The following CAPN9 variants were observed in gnomAD, a reference collection of about 807,000 sequenced individuals.
CAPN9 encodes calpain-9.
A neutral mutation model predicts 92.8 loss-of-function variants in CAPN9; 81 were observed. The observed-to-expected ratio is 0.87, with a 90% CI of 0.73 to 1.05. The LOEUF is 1.05. Among genes scored for constraint, CAPN9 ranks in the 50% least tolerant of loss-of-function variants. The pLI is 0.00. For synonymous variants in CAPN9, 304 were observed against 328.0 expected, an observed-to-expected ratio of 0.93 and a Z score of 0.79; for missense variants, 848 against 866.2, an observed-to-expected ratio of 0.98 and a Z score of 0.26.
chr1:230,765,290 A>T (rs949778292), intron 4 of CAPN9, among the ~76,000 whole-genome samples: 1 of 151,644 alleles, frequency 6.6e-6, no homozygotes, highest in Admixed American at 6.6e-5. Context: ...GCACAAGAGC[A>T]TACTGAAGGA....
chr1:230,798,165 T>C lies in CAPN9; in HGVS notation c.1991T>C (p.Val664Ala), dbSNP rs746787858. 1 of 1,607,226 alleles carries C rather than the reference T, an allele frequency of 6.2e-7. No homozygotes were observed. Among genetic ancestry groups the C allele is most frequent in the South Asian group, 1.1e-5 (1 of 90,944 alleles). ...TTTCCCCCTTCTCTCCTATCAGGGG[T>C]GTTCCAGGCTCTCAGTACAAAGAAC... Reference protein sequence around the residue: ...CLVRLENASRVFQALSTKNKE... With the variant: ...CLVRLENASRAFQALSTKNKE... Residue 664 changes from valine to alanine, a missense_variant, in exon 19 of 20, where the codon GTG becomes GCG. Val to Ala is a moderately conservative substitution (Grantham distance 64). Coordinates refer to ENST00000271971, the MANE Select transcript of CAPN9 (RefSeq NM_006615.3).
intron 13 of CAPN9, among the ~76,000 whole-genome samples, chr1:230,789,883 C>A (rs999813119): frequency 1.3e-5 from 2 of 152,096 alleles, no homozygotes; most frequent in Admixed American, 6.6e-5. Flanking sequence ...GCTTTTCATG[C>A]GCTTTCCTGG....
rs763367771 is a variant in CAPN9 at position 230,780,594 on chromosome 1, C to T, written c.1367C>T (p.Ser456Phe). 6.2e-7 allele frequency: 1 copy of T among 1,614,190 alleles called. No homozygotes were observed. The highest frequency in any genetic ancestry group is 8.5e-7 in the Non-Finnish European group (1 of 1,180,020). Residue 456 changes from serine to phenylalanine, a missense_variant, in exon 11 of 20, where the codon TCC becomes TTC. Ser to Phe is a radical substitution (Grantham distance 155, BLOSUM62 -2). Transcript: ENST00000271971. ...SKTFINLREV[S>F]DRFKLPPGEY... The stretch of plus-strand genomic sequence containing the variant: ...ACGTTCATCAACCTGAGAGAAGTCT[C>T]CGACCGGTTCAAGCTGCCCCCTGGG...
At chr1:230,767,261 G>A (rs762254874) in intron 4 of CAPN9, among the ~76,000 whole-genome samples, 2 of 152,150 alleles carry the variant, frequency 1.3e-5, no homozygotes, top group African/African-American at 4.8e-5. Context: ...ATGGTAAGTC[G>A]TAGAACCAGG....
At chr1:230,762,834 T>C (rs765928589) in intron 4 of CAPN9, 48 bp downstream of exon 4, 3 of 1,586,152 alleles carry the variant, frequency 1.9e-6, no homozygotes, top group Non-Finnish European at 2.6e-6. Context: ...CAGGAGTCTC[T>C]ACACTAGTCT....
At chr1:230,781,295 GA>G (rs1667210337) in intron 11 of CAPN9, among the ~76,000 whole-genome samples, 1 of 152,158 alleles carries the variant, frequency 6.6e-6, no homozygotes, top group South Asian at 2.1e-4. Flanking sequence ...ATGCTCACAA[GA>G]CATTCTTGGG....
At position 230,791,883 on chromosome 1, in the gene CAPN9, G is replaced by T. The variant is rs764592952; in HGVS notation, c.1677G>T (p.Lys559Asn). Residue 559 changes from lysine (K) to asparagine (N), a missense_variant, in exon 15 of 20, where the codon AAG becomes AAT. By Grantham distance (94) the Lys-to-Asn change is moderately conservative. Transcript: ENST00000271971. The stretch of plus-strand genomic sequence containing the variant: ...TTTCAGAAAAGGACATCAAATTCAA[G>T]AAGCTAAGCCTGATCTCCTGTAAAA... ...VLQKKKDIKF[K>N]KLSLISCKNI... The T allele has an allele frequency of 3.1e-6, 5 of 1,613,518 alleles. No homozygotes were observed. In the South Asian group the frequency reaches 5.5e-5, roughly 18 times the overall value.
At chr1:230,779,668 T>C (rs1667072166) in intron 9 of CAPN9, among the ~76,000 whole-genome samples, 1 of 152,172 alleles carries the variant, frequency 6.6e-6, no homozygotes, top group Non-Finnish European at 1.5e-5. Context: ...GAACTAATAT[T>C]GTCCAGTGAA....
rs573553589 is a variant in CAPN9, at chr1:230,747,516, C to G, written c.20C>G (p.Ala7Gly). ...GCAGCCATGCCTTACCTCTACCGGG[C>G]CCCAGGGCCTCAGGCACACCCGGTT... is the stretch of plus-strand genomic sequence containing the variant. MPYLYR[A>G]PGPQAHPVPK... The change falls in exon 1 of 20, where the codon GCC becomes GGC. Residue 7 changes from alanine (A) to glycine (G), a missense_variant. Coordinates refer to ENST00000271971, the MANE Select transcript of CAPN9 (RefSeq NM_006615.3). 5 of 1,614,040 alleles carry G rather than the reference C, an allele frequency of 3.1e-6. No individual in the cohort carries two copies. Among genetic ancestry groups the G allele is most frequent in the Non-Finnish European group, 4.2e-6 (5 of 1,179,986 alleles).
In CAPN9 at chr1:230,766,374, T is replaced by C. The variant is rs986358181; in HGVS notation, c.537-1167T>C. ...TGATATTCTGATTACAAGCGCACAA[T>C]GTGCGATGATCAAATCAGGGTAATT... On this transcript the variant is annotated intron_variant, in intron 4 of 19. Transcript: ENST00000271971. Among the ~76,000 whole-genome samples the C allele has an allele frequency of 2.0e-5, 3 of 152,260 alleles. No homozygotes were observed. In the South Asian group the frequency reaches 6.2e-4, roughly 31 times the overall value.
intron 1 of CAPN9, 122 bp from the exon 2 acceptor site, chr1:230,755,215 G>C (rs1367193576): frequency 1.3e-6 from 1 of 755,262 alleles, no homozygotes; most frequent in African/African-American, 1.8e-5. Flanking sequence ...CCTCCTCAGG[G>C]AAAAGAATCA....
Position 230,779,099 on chromosome 1 carries a change from C to T in CAPN9, c.1080C>T (p.Arg360=), listed in dbSNP as rs140902814. The change falls in exon 9 of 20, where the codon CGC becomes CGT. Residue 360 remains arginine (R), a synonymous_variant. Transcript: ENST00000271971. ...EVTVHQGSWV[R]GSTAGGCRNF... ...CGGTCCATCAGGGAAGCTGGGTTCG[C>T]GGCTCCACGGCTGGGGGCTGCCGCA... The T allele has an allele frequency of 2.1e-4, 341 of 1,612,696 alleles. No individual in the cohort carries two copies. Among genetic ancestry groups the T allele is most frequent in the African/African-American group, 2.5e-4 (19 of 74,876 alleles).
At chr1:230,787,681 G>A in intron 13 of CAPN9, 79 bp downstream of exon 13, 2 of 1,265,258 alleles carry the variant, frequency 1.6e-6, no homozygotes, top group Non-Finnish European at 1.2e-6. Flanking sequence ...GCAGTCGTGG[G>A]GTTGGTCAGC....
intron 14 of CAPN9, 95 bp downstream of exon 14, chr1:230,790,284 C>A (rs558019862): frequency 1.3e-6 from 2 of 1,523,780 alleles, no homozygotes; most frequent in Non-Finnish European, 1.8e-6. Flanking sequence ...AGCCGCAGAT[C>A]TGCTTCCCAG....
At chr1:230,785,595 C>T (rs1667528258) in intron 11 of CAPN9, among the ~76,000 whole-genome samples, 1 of 152,174 alleles carries the variant, frequency 6.6e-6, no homozygotes, top group South Asian at 2.1e-4. Context: ...TCCCCCTTCA[C>T]CTTCTGCAAT....
rs193017947 is a variant in CAPN9 at position 230,794,178 on chromosome 1, G to A, written c.1871-985G>A. Among the ~76,000 whole-genome samples, 424 of 152,206 alleles carry A rather than the reference G, an allele frequency of 2.8e-3. 1 individual carries two copies. The highest frequency in any genetic ancestry group is 5.2e-3 in the Non-Finnish European group (352 of 68,006). The stretch of plus-strand genomic sequence containing the variant: ...AGGGGGAAAGAAATCACTTCTAAGG[G>A]CACTAATTAGAAATCAAAGCACTGG... On this transcript the variant is annotated intron_variant, in intron 17 of 19. Transcript: ENST00000271971.
intron 11 of CAPN9, 97 bp downstream of exon 11, chr1:230,780,805 C>T: frequency 1.1e-6 from 1 of 907,900 alleles, no homozygotes; most frequent in South Asian, 1.4e-5. Flanking sequence ...CTCCATTCTT[C>T]CCTTTCCCAT....
chr1:230,754,855 A>G (rs758020047), intron 1 of CAPN9, among the ~76,000 whole-genome samples: 8 of 152,078 alleles, frequency 5.3e-5, no homozygotes, highest in Non-Finnish European at 1.2e-4. Context: ...TGGGGGAAGG[A>G]TTATATAAAG....
At chr1:230,800,536 T>C (rs963894236) in intron 19 of CAPN9, among the ~76,000 whole-genome samples, 3 of 152,090 alleles carry the variant, frequency 2.0e-5, no homozygotes, top group East Asian at 1.9e-4. Flanking sequence ...GGTAGAAGTG[T>C]GGACACCTCT....
Sources: gnomAD v4.1 joint callset for allele counts (sites outside exome capture counted in the v4.1 genomes callset) on GRCh38, gnomAD v4.1.1 for gene constraint, MANE v1.5 for transcripts, NCBI Gene and HGNC (gene_info 2026-07-23, HGNC 2026-07-21) for gene names.